Variants in PPP2R5C observed in about 807,000 individuals in gnomAD.
PPP2R5C encodes the protein protein phosphatase 2 regulatory subunit B'gamma, also known as serine/threonine-protein phosphatase 2A 56 kDa regulatory subunit gamma isoform.
In PPP2R5C, 7 loss-of-function variants were observed where a neutral mutation model predicts 68.9. That is an observed-to-expected ratio of 0.10 (90% confidence interval 0.06 to 0.19). The LOEUF (loss-of-function observed/expected upper bound fraction) is 0.19, where lower values mean the gene tolerates loss of function less well. Ranked by LOEUF, PPP2R5C falls within the 10% of genes least tolerant of loss-of-function variation. The probability of loss-of-function intolerance (pLI) is 1.00; values close to 1 mark genes in which losing one functional copy is unlikely to be tolerated. For synonymous variants in PPP2R5C, 210 were observed against 222.2 expected (o/e 0.95, Z 0.49); for missense variants, 348 against 641.3 (o/e 0.54, Z 4.94).
Position 101,888,653 on chromosome 14 carries a change from G to A in PPP2R5C, c.630-1584G>A, listed in dbSNP as rs1036580208. Among the ~76,000 whole-genome samples, 1 of 152,050 alleles carries A rather than the reference G, an allele frequency of 6.6e-6. No individual in the cohort carries two copies. Among genetic ancestry groups the A allele is most frequent in the African/African-American group, 2.4e-5 (1 of 41,396 alleles). On this transcript the variant is annotated intron_variant, in intron 5 of 13. Transcript: ENST00000334743. This position sits in a 1 kb window ranked among gnomAD's most constrained non-coding sequence, Gnocchi z 5.6. The stretch of plus-strand genomic sequence containing the variant: ...GTTGCCCAGGCTGGAATGCAGTGGC[G>A]CCATCTCAGCTCACTGCAACCTCCA...
intron 2 of PPP2R5C, among the ~76,000 whole-genome samples, chr14:101,881,379 C>T (rs895662545): frequency 6.6e-6 from 1 of 151,926 alleles, no homozygotes; most frequent in East Asian, 1.9e-4. Context: ...CAACCTGGGC[C>T]GCAGAGGGAG....
rs1364354955 is a variant in PPP2R5C at position 101,877,418 on chromosome 14, A to G, written c.295-4743A>G. Among the ~76,000 whole-genome samples, 2 of 152,084 alleles carry G rather than the reference A, an allele frequency of 1.3e-5. No individual in the cohort carries two copies. The highest frequency in any genetic ancestry group is 4.8e-5 in the African/African-American group (2 of 41,392). On this transcript the variant is annotated intron_variant, in intron 2 of 13. Transcript: ENST00000334743. This position sits in a 1 kb window ranked among gnomAD's most constrained non-coding sequence, Gnocchi z 4.2. ...GCCTCTGGGTGTGCGCTGGATCCGT[A>G]GGTCTCATTTGAGAGATCACAGTGA...
At chr14:101,795,347 G>A (rs1471906343) in intron 3 of PPP2R5C, among the ~76,000 whole-genome samples, 1 of 152,098 alleles carries the variant, frequency 6.6e-6, no homozygotes, top group Non-Finnish European at 1.5e-5. Context: ...TCATGTAAAA[G>A]TTGTAGTTAT....
At chr14:101,907,886 G>A (rs2046143290) in intron 10 of PPP2R5C, among the ~76,000 whole-genome samples, 1 of 152,170 alleles carries the variant, frequency 6.6e-6, no homozygotes, top group Non-Finnish European at 1.5e-5. Flanking sequence ...CCAGACAGGT[G>A]TTAGCCCTGG....
rs542356707 is a variant in PPP2R5C, at chr14:101,877,889, C to T, written c.295-4272C>T. 1.3e-5 allele frequency among the ~76,000 whole-genome samples: 2 copies of T among 152,298 alleles called. No individual in the cohort carries two copies. Among genetic ancestry groups the T allele is most frequent in the African/African-American group, 2.4e-5 (1 of 41,556 alleles). The stretch of plus-strand genomic sequence containing the variant: ...AGAATTGGCCTGGAATGAACCTTCC[C>T]GGACCTAGGTCGGTCATCAGTCAAG... On this transcript the variant is annotated intron_variant, in intron 2 of 13. Transcript: ENST00000334743. The surrounding 1 kb of genome is among the most constrained non-coding windows in gnomAD (Gnocchi z 4.2).
chr14:101,842,974 C>A (rs779024704), intron 1 of PPP2R5C, among the ~76,000 whole-genome samples: 1 of 151,860 alleles, frequency 6.6e-6, no homozygotes, highest in Non-Finnish European at 1.5e-5. Flanking sequence ...ACCTGTAATC[C>A]CAGCACTTTG....
rs368289482 is a variant in PPP2R5C at position 101,820,916 on chromosome 14, C to A, written c.94+10880C>A. On this transcript the variant is annotated intron_variant, in intron 1 of 13. Coordinates refer to ENST00000334743, the Ensembl canonical transcript of PPP2R5C. ...TGGTCAGTATCAATGGATATAACCCCCATAATCAAAGCTCTTTAGGGTTCT... is the reference window on the plus strand; with the variant it reads ...TGGTCAGTATCAATGGATATAACCCACATAATCAAAGCTCTTTAGGGTTCT... 3.3e-5 allele frequency: 5 copies of A among 151,660 alleles called. No individual in the cohort carries two copies. The East Asian group carries it at 9.7e-4, about 29-fold the overall frequency. The allele number at this position is 151,660 out of a possible 1,614,324, so 9.4% of individuals were successfully genotyped here. A position where few individuals can be genotyped will look rare whatever the true frequency, so the allele number is the denominator to read the frequency against.
At chr14:101,802,600 G>A (rs2038912861) in intron 3 of PPP2R5C, among the ~76,000 whole-genome samples, 1 of 151,986 alleles carries the variant, frequency 6.6e-6, no homozygotes, top group Non-Finnish European at 1.5e-5. Context: ...CAAAAGCTCA[G>A]GCGACAAAAA....
chr14:101,852,416 G>T (rs148117514), intron 1 of PPP2R5C, among the ~76,000 whole-genome samples: 1 of 143,952 alleles, frequency 6.9e-6, no homozygotes, highest in Non-Finnish European at 1.5e-5. Flanking sequence ...TAGTAAATAC[G>T]TTTTTTAAAG....
chr14:101,892,104 C>T (rs949666653), intron 6 of PPP2R5C, among the ~76,000 whole-genome samples: 6 of 152,100 alleles, frequency 3.9e-5, no homozygotes, highest in African/African-American at 9.6e-5. Flanking sequence ...TATAGGAGCC[C>T]GCCACCGCGC....
rs567732163 is a variant in PPP2R5C, at chr14:101,877,580, C to T, written c.295-4581C>T. Among the ~76,000 whole-genome samples, 1 of 152,240 alleles carries T rather than the reference C, an allele frequency of 6.6e-6. No individual in the cohort carries two copies. Among genetic ancestry groups the T allele is most frequent in the African/African-American group, 2.4e-5 (1 of 41,530 alleles). On this transcript the variant is annotated intron_variant, in intron 2 of 13. Coordinates refer to ENST00000334743, the Ensembl canonical transcript of PPP2R5C. The surrounding 1 kb of genome is among the most constrained non-coding windows in gnomAD (Gnocchi z 4.2). ...AGGTAGCATGGCAGTGACATTTGCA[C>T]ACAGACATCAGCACCCCAGGTTTCT...
intron 6 of PPP2R5C, among the ~76,000 whole-genome samples, chr14:101,892,204 A>G (rs1191829606): frequency 6.6e-6 from 1 of 151,936 alleles, no homozygotes; most frequent in Non-Finnish European, 1.5e-5. Context: ...TGATCCACCC[A>G]CCTCAGCCTC....
intron 2 of PPP2R5C, among the ~76,000 whole-genome samples, chr14:101,862,617 G>A (rs2042814395): frequency 6.6e-6 from 1 of 152,170 alleles, no homozygotes; most frequent in Non-Finnish European, 1.5e-5. Context: ...CATTGTCTGT[G>A]TGAGACCAGA....
At chr14:101,912,587 G>GA (rs1238797210) in intron 12 of PPP2R5C, 114 bp downstream of exon 14, 1 of 1,368,448 alleles carries the variant, frequency 7.3e-7, no homozygotes, top group African/African-American at 1.5e-5. Context: ...CGTTGTATAT[G>GA]AAAATGTCTG....
At chr14:101,852,469 C>CTTTTTTTTTTTTTTTT (rs559509845) in intron 1 of PPP2R5C, among the ~76,000 whole-genome samples, 1 of 115,106 alleles carries the variant, frequency 8.7e-6, no homozygotes, top group Non-Finnish European at 1.8e-5. Context: ...TTTTCTTTTT[C>CTTTTTTTTTTTTTTTT]TTTTTTTTTT....
At chr14:101,894,459 G>A (rs1242611612) in intron 7 of PPP2R5C, 48 bp from the exon 10 acceptor site, 14 of 1,562,768 alleles carry the variant, frequency 9.0e-6, no homozygotes, top group Non-Finnish European at 1.1e-5. Context: ...AAGCACAGCA[G>A]CATTTTTATG....
intron 8 of PPP2R5C, among the ~76,000 whole-genome samples, chr14:101,897,993 A>AG (rs999846698): frequency 1.8e-4 from 18 of 97,430 alleles, no homozygotes; most frequent in African/African-American, 9.8e-4. Context: ...CCTCTCTACC[A>AG]AAAAAAAAAA....
At chr14:101,875,043 A>G (rs930478584) in intron 2 of PPP2R5C, among the ~76,000 whole-genome samples, 2 of 152,202 alleles carry the variant, frequency 1.3e-5, no homozygotes, top group African/African-American at 2.4e-5. Context: ...CCTAGCCCGT[A>G]AGTTTTTATT....
upstream of PPP2R5C, chr14:101,761,687 T>TGACGCC (rs2036541924): frequency 4.6e-6 from 1 of 219,766 alleles, no homozygotes; most frequent in African/African-American, 2.8e-5. Context: ...ACGCCGCCGC[T>TGACGCC]GCCGCCGCCG....
Sources: gnomAD v4.1 joint callset for allele counts (sites outside exome capture counted in the v4.1 genomes callset) on GRCh38, gnomAD v4.1.1 for gene constraint, Gnocchi (gnomAD v3.1) non-coding constraint, MANE v1.5 for transcripts, NCBI Gene and HGNC (gene_info 2026-07-23, HGNC 2026-07-21) for gene names.